Variants in TLL1 observed in about 807,000 individuals in gnomAD.
TLL1 encodes the protein tolloid like 1, also known as tolloid-like protein 1.
A neutral mutation model predicts 128.2 loss-of-function variants in TLL1; 49 were observed. The observed-to-expected ratio is 0.38, with a 90% confidence interval of 0.30 to 0.48. The LOEUF is 0.48. TLL1 is among the 20% of genes least tolerant of loss of function. The pLI, the probability that TLL1 is intolerant of heterozygous loss-of-function variation, is 0.96. For missense variants in TLL1, 1,123 were observed against 1,242.0 expected (o/e 0.90, Z 1.44); for synonymous variants, 454 against 418.8 (o/e 1.08, Z -1.03).
chr4:165,906,721 T>C (rs987341597), intron 1 of TLL1, among the ~76,000 whole-genome samples: 2 of 152,142 alleles, frequency 1.3e-5, no homozygotes, highest in Non-Finnish European at 2.9e-5. Context: ...TAATATTTGG[T>C]TTTATTCACT....
Position 165,897,586 on chromosome 4 carries a change from T to C in TLL1, c.169+23513T>C, listed in dbSNP as rs549590409. ...CTCTGTTCTGTTCCATTGGTCTATA[T>C]ATCTGTTTTTGTACCAGTACCATGC... On this transcript the variant is annotated intron_variant, in intron 1 of 20. Coordinates refer to ENST00000061240, the MANE Select transcript of TLL1 (RefSeq NM_012464.5). 3.8e-4 allele frequency among the ~76,000 whole-genome samples: 57 copies of C among 151,928 alleles called. No homozygotes were observed. The Middle Eastern group carries it at 0.01, about 27-fold the overall frequency.
At chr4:166,058,472 G>A (rs982531601) in intron 14 of TLL1, among the ~76,000 whole-genome samples, 1 of 152,038 alleles carries the variant, frequency 6.6e-6, no homozygotes, top group South Asian at 2.1e-4. Context: ...ACTTTTTGTC[G>A]TGGTTATCTG....
chr4:165,907,484 G>GGA (rs570764987), intron 1 of TLL1, among the ~76,000 whole-genome samples: 34 of 152,252 alleles, frequency 2.2e-4, no homozygotes, highest in African/African-American at 7.7e-4. Context: ...TGTCTGGTCA[G>GGA]GAGTAACACA....
chr4:166,060,675 G>A (rs1740268826), intron 15 of TLL1, among the ~76,000 whole-genome samples: 1 of 152,160 alleles, frequency 6.6e-6, no homozygotes, highest in African/African-American at 2.4e-5. Context: ...AGTAAAAGAT[G>A]TATTTAAAGC....
chr4:165,874,952 C>T (rs1217890372), intron 1 of TLL1: 1 of 152,372 alleles, frequency 6.6e-6, no homozygotes, highest in Non-Finnish European at 1.5e-5. Flanking sequence ...CCTGAGGGCG[C>T]CCAGCACTGG....
intron 16 of TLL1, among the ~76,000 whole-genome samples, chr4:166,072,027 C>G (rs1282637578): frequency 6.6e-6 from 1 of 151,836 alleles, no homozygotes; most frequent in East Asian, 1.9e-4. Context: ...CAATGATTTC[C>G]TGAAATTTTC....
Position 166,043,349 on chromosome 4 carries a change from T to C in TLL1, c.1454T>C (p.Met485Thr). ...SPNYPDDYRP[M>T]KECVWKITVS... The stretch of plus-strand genomic sequence containing the variant: ...AATTATCCTGATGACTATCGCCCGA[T>C]GAAAGAATGTGTGTGGAAAATAACA... The change falls in exon 12 of 21, where the codon ATG becomes ACG. Residue 485 changes from methionine (M) to threonine (T), a missense_variant. This residue lies in a region of TLL1 where 634 missense variants were observed against 672.4 expected (regional missense o/e 0.94). Transcript: ENST00000061240. 1 of 1,614,144 alleles carries C rather than the reference T, an allele frequency of 6.2e-7. No homozygotes were observed. Among genetic ancestry groups the C allele is most frequent in the Non-Finnish European group, 8.5e-7 (1 of 1,179,992 alleles).
chr4:165,980,015 C>T (rs1275886281), intron 1 of TLL1, among the ~76,000 whole-genome samples: 2 of 152,086 alleles, frequency 1.3e-5, no homozygotes, highest in East Asian at 1.9e-4. Context: ...GGTAAAACGA[C>T]AGTTTCAGAG....
rs1337381039 is a variant in TLL1 at position 166,101,254 on chromosome 4, CTTG to C, written c.*379_*381del. On this transcript the variant is annotated 3_prime_UTR_variant, in exon 21 of 21. Coordinates refer to ENST00000061240, the MANE Select transcript of TLL1 (RefSeq NM_012464.5). ...TCAAGATTTAGGGACATAAAATGATCTTGCAGGTCGTAAACTGGAAAACAGTAT... is the reference window on the plus strand; with the variant it reads ...TCAAGATTTAGGGACATAAAATGATCCAGGTCGTAAACTGGAAAACAGTAT... 3.5e-6 allele frequency: 1 copy of C among 281,792 alleles called. No homozygotes were observed. Among genetic ancestry groups the C allele is most frequent in the African/African-American group, 2.3e-5 (1 of 44,384 alleles). The allele number at this position is 281,792 out of a possible 1,614,324, so 17.5% of individuals were successfully genotyped here.
At chr4:166,047,406 T>C (rs1739509472) in intron 12 of TLL1, among the ~76,000 whole-genome samples, 1 of 151,326 alleles carries the variant, frequency 6.6e-6, no homozygotes, top group Admixed American at 6.6e-5. Context: ...ATTCGTGATC[T>C]GCCCTCCTTG....
chr4:166,080,477 G>C (rs771106307), intron 18 of TLL1, among the ~76,000 whole-genome samples: 13 of 152,020 alleles, frequency 8.6e-5, no homozygotes, highest in Non-Finnish European at 1.6e-4. Context: ...TGTTAAATTC[G>C]TAGTTCCTTT....
chr4:166,047,211 C>G (rs1255089499), intron 12 of TLL1, among the ~76,000 whole-genome samples: 3 of 151,542 alleles, frequency 2.0e-5, no homozygotes, highest in Middle Eastern at 3.4e-3. Context: ...TTCGCCCAGA[C>G]TGCAAGGCAG....
intron 20 of TLL1, among the ~76,000 whole-genome samples, chr4:166,100,051 G>A (rs1023063143): frequency 3.3e-5 from 5 of 152,090 alleles, no homozygotes; most frequent in Admixed American, 1.3e-4. Flanking sequence ...CAGAGTGCAG[G>A]TACAGGTCAG....
chr4:165,909,345 G>A (rs926312752), intron 1 of TLL1, among the ~76,000 whole-genome samples: 4 of 152,296 alleles, frequency 2.6e-5, no homozygotes, highest in Admixed American at 2.6e-4. Context: ...ACATTCAAAC[G>A]GTAAGTTCAA....
rs552538751 is a variant in TLL1 at position 166,018,066 on chromosome 4, C to T, written c.1042+3506C>T. Among the ~76,000 whole-genome samples, 6 of 152,136 alleles carry T rather than the reference C, an allele frequency of 3.9e-5. No individual in the cohort carries two copies. In the East Asian group the frequency reaches 7.7e-4, roughly 20 times the overall value. On this transcript the variant is annotated intron_variant, in intron 8 of 20. Transcript: ENST00000061240. ...AGAGTAAGAGTTTATAAATTGAGTT[C>T]GGATTGTGTTTGGTTTTCATACAGA...
intron 1 of TLL1, among the ~76,000 whole-genome samples, chr4:165,925,612 T>C (rs559980207): frequency 7.2e-5 from 11 of 152,152 alleles, no homozygotes; most frequent in Admixed American, 1.3e-4. Context: ...AACAAAAAAT[T>C]TAGAATATTA....
chr4:165,873,692 C>T lies in TLL1; in HGVS notation c.-213C>T. The T allele has an allele frequency of 1.8e-6, 1 of 561,338 alleles. No individual in the cohort carries two copies. The highest frequency in any genetic ancestry group is 3.2e-6 in the Non-Finnish European group (1 of 315,426). The allele number at this position is 561,338 out of a possible 1,614,324, so 34.8% of individuals were successfully genotyped here. On this transcript the variant is annotated 5_prime_UTR_variant, in exon 1 of 21. Coordinates refer to ENST00000061240, the MANE Select transcript of TLL1 (RefSeq NM_012464.5). ...CGCCCACCCGTGGGCCCCTAGCCAA[C>T]TTCTCCCTGCGACTGGGGGTAACAG...
Position 165,994,530 on chromosome 4 carries a change from A to G in TLL1, c.511A>G (p.Thr171Ala), listed in dbSNP as rs1221064238. ...TCCTTATGTTATAGGAGGAAACTTC[A>G]CTGGTAAGATACTCCCAGCATGTCT... Reference protein sequence around the residue: ...VIPYVIGGNFTGSQRAMFKQA... With the variant: ...VIPYVIGGNFAGSQRAMFKQA... The change falls in exon 4 of 21, where the codon ACT becomes GCT. Residue 171 changes from threonine to alanine, a missense_variant. Physicochemically the swap from Thr to Ala is moderately conservative, Grantham distance 58. This residue lies in a region of TLL1 where 480 missense variants were observed against 542.4 expected (regional missense o/e 0.89). Transcript: ENST00000061240. 8 of 1,613,880 alleles carry G rather than the reference A, an allele frequency of 5.0e-6. No homozygotes were observed. The highest frequency in any genetic ancestry group is 6.8e-6 in the Non-Finnish European group (8 of 1,179,890).
At chr4:166,016,582 T>C (rs138242004) in intron 8 of TLL1, among the ~76,000 whole-genome samples, 5,715 of 152,146 alleles carry the variant, frequency 0.038, 125 homozygotes, top group Middle Eastern at 0.058. Context: ...AGATTTCAAT[T>C]GTGTAAAATA....
Sources: gnomAD v4.1 joint callset for allele counts (sites outside exome capture counted in the v4.1 genomes callset) on GRCh38, gnomAD v4.1.1 for gene constraint, gnomAD v4.1.1 regional missense constraint, MANE v1.5 for transcripts, NCBI Gene and HGNC (gene_info 2026-07-23, HGNC 2026-07-21) for gene names.